The following AGMO variants were observed in gnomAD, a reference collection of about 807,000 sequenced individuals.
AGMO encodes glyceryl-ether monooxygenase.
In AGMO, 75 loss-of-function variants were observed where a neutral mutation model predicts 60.2. The observed-to-expected ratio is 1.25, with a 90% confidence interval of 1.03 to 1.51. The LOEUF (loss-of-function observed/expected upper bound fraction) is 1.51. Ranked by LOEUF, AGMO falls within the 40% of genes most tolerant of loss-of-function variation. AGMO has a pLI of 0.00. For missense variants in AGMO, 763 were observed against 525.5 expected, an observed-to-expected ratio of 1.45 and a Z score of -4.42; for synonymous variants, 261 against 177.1, an observed-to-expected ratio of 1.47 and a Z score of -3.76.
chr7:15,143,896 G>C, the AGMO span, among the ~76,000 whole-genome samples: 1 of 152,036 alleles, frequency 6.6e-6, no homozygotes, highest in African/African-American at 2.4e-5. Flanking sequence ...GATTGCTCAG[G>C]AATTAGAAAG....
In AGMO at chr7:15,381,742, T is replaced by C. The variant is rs560112054; in HGVS notation, c.1074+3704A>G. On this transcript the variant is annotated intron_variant, in intron 10 of 12. Transcript: ENST00000342526. The stretch of plus-strand genomic sequence containing the variant: ...CATACATATGTTCACTGAAACACTA[T>C]TCACAATATCAAAGACATGGAATCA... Among the ~76,000 whole-genome samples the C allele has an allele frequency of 1.1e-4, 16 of 152,258 alleles. No individual in the cohort carries two copies. The South Asian group carries it at 2.7e-3, about 26-fold the overall frequency.
chr7:15,316,114 G>A (rs959873561), intron 12 of AGMO, among the ~76,000 whole-genome samples: 2 of 152,148 alleles, frequency 1.3e-5, no homozygotes, highest in Non-Finnish European at 2.9e-5. Flanking sequence ...GCAGCCACTA[G>A]AAATAGAAGT....
chr7:15,243,420 GT>G (rs1358400439), intron 12 of AGMO, among the ~76,000 whole-genome samples: 3 of 151,974 alleles, frequency 2.0e-5, no homozygotes, highest in Non-Finnish European at 4.4e-5. Flanking sequence ...AGAGCAAAAA[GT>G]TAAATCAATC....
intron 12 of AGMO, among the ~76,000 whole-genome samples, chr7:15,352,092 T>G (rs1393167156): frequency 6.6e-6 from 1 of 152,200 alleles, no homozygotes; most frequent in East Asian, 1.9e-4. Context: ...ACAAATGCTC[T>G]TTTACCATTA....
At chr7:15,397,836 A>G (rs1370322884) in intron 5 of AGMO, among the ~76,000 whole-genome samples, 1 of 152,232 alleles carries the variant, frequency 6.6e-6, no homozygotes. Context: ...ATACACTCCT[A>G]TGAAGTAAAG....
chr7:15,558,986 A>G (rs1199117754), intron 2 of AGMO, among the ~76,000 whole-genome samples: 1 of 152,096 alleles, frequency 6.6e-6, no homozygotes, highest in African/African-American at 2.4e-5. Flanking sequence ...AGCTCAAAGC[A>G]CAGACTTCTA....
chr7:15,492,105 A>G (rs1461047957), intron 3 of AGMO, among the ~76,000 whole-genome samples: 2 of 152,214 alleles, frequency 1.3e-5, no homozygotes, highest in Non-Finnish European at 2.9e-5. Context: ...GGTTTCAAAA[A>G]TATCTTATTT....
At chr7:15,480,962 T>C (rs368088047) in intron 3 of AGMO, among the ~76,000 whole-genome samples, 28 of 151,756 alleles carry the variant, frequency 1.8e-4, no homozygotes, top group African/African-American at 4.6e-4. Context: ...TGTTCAAGCA[T>C]AATTAATGTA....
intron 10 of AGMO, among the ~76,000 whole-genome samples, chr7:15,370,945 TAC>T (rs1783184994): frequency 6.6e-6 from 1 of 152,168 alleles, no homozygotes; most frequent in Non-Finnish European, 1.5e-5. Context: ...TTTGAGGACT[TAC>T]TCATAAATTA....
At chr7:15,337,764 A>C (rs1781709497) in intron 12 of AGMO, among the ~76,000 whole-genome samples, 1 of 152,210 alleles carries the variant, frequency 6.6e-6, no homozygotes, top group Non-Finnish European at 1.5e-5. Context: ...GAGTGCAGCG[A>C]CTGCTGAGTC....
the AGMO span, among the ~76,000 whole-genome samples, chr7:15,175,009 T>C: frequency 6.6e-6 from 1 of 151,854 alleles, no homozygotes; most frequent in African/African-American, 2.4e-5. Flanking sequence ...ATTTGCAATA[T>C]ATATCCTTTA....
At chr7:15,278,014 C>G (rs746663720) in intron 12 of AGMO, among the ~76,000 whole-genome samples, 1 of 152,144 alleles carries the variant, frequency 6.6e-6, no homozygotes, top group East Asian at 1.9e-4. Context: ...GAAATGAGAT[C>G]TGTTTCCCTA....
chr7:15,555,290 TATACACACACACACAC>T (rs1314830240), intron 2 of AGMO, among the ~76,000 whole-genome samples: 6 of 103,658 alleles, frequency 5.8e-5, no homozygotes, highest in East Asian at 5.1e-4. Flanking sequence ...TATATATATA[TATACACACACACACAC>T]ACACACACAC....
chr7:15,510,963 T>A (rs1583629449), intron 3 of AGMO, among the ~76,000 whole-genome samples: 1 of 150,926 alleles, frequency 6.6e-6, no homozygotes, highest in Middle Eastern at 3.5e-3. Context: ...CAAGTTCCTA[T>A]GGCTTATTTC....
the AGMO span, among the ~76,000 whole-genome samples, chr7:15,167,106 A>G: frequency 0.024 from 3,605 of 152,266 alleles, 142 homozygotes; most frequent in African/African-American, 0.082. Flanking sequence ...TCTAAATAAC[A>G]CCATAAATCA....
chr7:15,158,494 A>G, the AGMO span, among the ~76,000 whole-genome samples: 1 of 152,214 alleles, frequency 6.6e-6, no homozygotes, highest in Non-Finnish European at 1.5e-5. Context: ...ATTTCACCTC[A>G]ACTTTGCTCA....
rs552567401 is a variant in AGMO at position 15,292,697 on chromosome 7, A to G, written c.1263+72817T>C. Among the ~76,000 whole-genome samples, 18 of 151,764 alleles carry G rather than the reference A, an allele frequency of 1.2e-4. No homozygotes were observed. In the South Asian group the frequency reaches 3.7e-3, roughly 32 times the overall value. ...AATGTAAATATTAAGATTTCTATCAATAGAATCTCTGAGTCTCCAGCCTCT... is the reference window on the plus strand; with the variant it reads ...AATGTAAATATTAAGATTTCTATCAGTAGAATCTCTGAGTCTCCAGCCTCT... On this transcript the variant is annotated intron_variant, in intron 12 of 12. Coordinates refer to ENST00000342526, the MANE Select transcript of AGMO (RefSeq NM_001004320.2).
At chr7:15,525,679 G>T in intron 3 of AGMO, among the ~76,000 whole-genome samples, 1 of 152,090 alleles carries the variant, frequency 6.6e-6, no homozygotes, top group East Asian at 1.9e-4. Context: ...CGGTAACACC[G>T]TGGCCCTCTG....
intron 5 of AGMO, among the ~76,000 whole-genome samples, chr7:15,401,811 G>A (rs1784559264): frequency 6.6e-6 from 1 of 152,140 alleles, no homozygotes; most frequent in African/African-American, 2.4e-5. Flanking sequence ...ACATGCATGT[G>A]CAAGATGATA....
Sources: gnomAD v4.1 joint callset for allele counts (sites outside exome capture counted in the v4.1 genomes callset) on GRCh38, gnomAD v4.1.1 for gene constraint, MANE v1.5 for transcripts, NCBI Gene and HGNC (gene_info 2026-07-23, HGNC 2026-07-21) for gene names.